Variants in LIPC observed in about 807,000 individuals in gnomAD.
LIPC encodes lipase C, hepatic type.
LIPC carries 44 observed loss-of-function variants against 50.7 expected under a neutral mutation model. That is an observed-to-expected ratio of 0.87 (90% confidence interval 0.68 to 1.11). The LOEUF is 1.11. Among genes scored for constraint, LIPC ranks in the 50% most tolerant of loss-of-function variants. LIPC has a pLI of 0.00. For synonymous variants in LIPC, 271 were observed against 256.4 expected (o/e 1.06, Z -0.54); for missense variants, 697 against 648.2 (o/e 1.08, Z -0.82).
chr15:58,460,344 G>A (rs1440018801), intron 1 of LIPC, among the ~76,000 whole-genome samples: 1 of 152,234 alleles, frequency 6.6e-6, no homozygotes, highest in Admixed American at 6.5e-5. Flanking sequence ...AGGAAAGGCT[G>A]GGGCCGACTT....
chr15:58,453,469 C>A (rs1893986443), intron 1 of LIPC, among the ~76,000 whole-genome samples: 1 of 152,182 alleles, frequency 6.6e-6, no homozygotes, highest in Non-Finnish European at 1.5e-5. Context: ...ATTCTCCCAG[C>A]AATTCCTACT....
At chr15:58,434,325 C>T (rs1328318107) in intron 1 of LIPC, among the ~76,000 whole-genome samples, 1 of 152,188 alleles carries the variant, frequency 6.6e-6, no homozygotes, top group Non-Finnish European at 1.5e-5. Context: ...CAGCCTACTT[C>T]TTTTGAGTAT....
chr15:58,516,754 T>A (rs144042312), intron 1 of LIPC, among the ~76,000 whole-genome samples: 1 of 152,248 alleles, frequency 6.6e-6, no homozygotes, highest in Non-Finnish European at 1.5e-5. Flanking sequence ...AATATAGTTA[T>A]AAGAACTGTT....
chr15:58,488,552 T>A (rs771550505), intron 1 of LIPC, among the ~76,000 whole-genome samples: 3 of 152,222 alleles, frequency 2.0e-5, no homozygotes, highest in Admixed American at 6.5e-5. Context: ...TAGTCCCACA[T>A]TCATTTCTTT....
At chr15:58,547,279 C>T (rs887339262) in intron 5 of LIPC, among the ~76,000 whole-genome samples, 1 of 152,208 alleles carries the variant, frequency 6.6e-6, no homozygotes, top group Admixed American at 6.5e-5. Context: ...GCAGATTCAC[C>T]TTCACTACCT....
At chr15:58,496,974 C>T (rs2004145) in intron 1 of LIPC, among the ~76,000 whole-genome samples, 59,193 of 151,892 alleles carry the variant, frequency 0.39, 11,636 homozygotes, top group East Asian at 0.52. Flanking sequence ...CATAAGCCAC[C>T]GCGCCCGGCC....
intron 1 of LIPC, chr15:58,436,593 A>G (rs1893305071): frequency 1.2e-5 from 4 of 340,472 alleles, no homozygotes; most frequent in East Asian, 1.6e-4. Context: ...CTTTTGTCTT[A>G]TAGAGCAGAG....
intron 1 of LIPC, among the ~76,000 whole-genome samples, chr15:58,469,411 G>A (rs1471880244): frequency 6.6e-6 from 1 of 152,128 alleles, no homozygotes; most frequent in Admixed American, 6.5e-5. Flanking sequence ...AGAGCACAAA[G>A]GAAGAAAATC....
At chr15:58,510,807 A>G (rs1292217798) in intron 1 of LIPC, among the ~76,000 whole-genome samples, 1 of 152,260 alleles carries the variant, frequency 6.6e-6, no homozygotes, top group East Asian at 1.9e-4. Flanking sequence ...ACTATAATAA[A>G]CAAGTAAGCA....
chr15:58,490,672 A>T (rs1323271743), intron 1 of LIPC, among the ~76,000 whole-genome samples: 1 of 152,182 alleles, frequency 6.6e-6, no homozygotes, highest in Admixed American at 6.5e-5. Flanking sequence ...CAACAATGAA[A>T]TATGGAGAAA....
At chr15:58,566,478 C>T in intron 8 of LIPC, 1 of 984,352 alleles carries the variant, frequency 1.0e-6, no homozygotes, top group Non-Finnish European at 1.2e-6. Flanking sequence ...CTAATAACAA[C>T]TACTAATTTT....
chr15:58,499,190 C>G (rs113745573), intron 1 of LIPC, among the ~76,000 whole-genome samples: 1 of 152,218 alleles, frequency 6.6e-6, no homozygotes, highest in Non-Finnish European at 1.5e-5. Flanking sequence ...TCAGAGGCAG[C>G]TCTATAAATT....
chr15:58,473,549 G>A (rs1426710556), intron 1 of LIPC: 2 of 152,250 alleles, frequency 1.3e-5, no homozygotes, highest in African/African-American at 4.8e-5. Context: ...AGACGCAGCA[G>A]GGAGGTAGGA....
At chr15:58,540,449 G>A (rs1893282157) in intron 2 of LIPC, among the ~76,000 whole-genome samples, 2 of 152,162 alleles carry the variant, frequency 1.3e-5, no homozygotes, top group African/African-American at 4.8e-5. Context: ...GAAAACTGAA[G>A]CACAGAGAAA....
intron 1 of LIPC, among the ~76,000 whole-genome samples, chr15:58,488,242 C>A (rs1360753032): frequency 7.9e-5 from 12 of 152,220 alleles, no homozygotes; most frequent in Admixed American, 7.2e-4. Flanking sequence ...TACTCCCAAG[C>A]CTGGGCAATG....
intron 1 of LIPC, among the ~76,000 whole-genome samples, chr15:58,482,204 A>G (rs1891211814): frequency 6.6e-6 from 1 of 152,216 alleles, no homozygotes; most frequent in Admixed American, 6.5e-5. Context: ...CCCTGTCCCC[A>G]GCCACCCAGT....
chr15:58,523,597 A>T (rs1478638657), intron 1 of LIPC, among the ~76,000 whole-genome samples: 4 of 115,246 alleles, frequency 3.5e-5, no homozygotes, highest in Non-Finnish European at 5.3e-5. Context: ...GCAAGCAGGA[A>T]ACAAGCTGGG....
chr15:58,548,153 T>C (rs1893602264), intron 5 of LIPC, among the ~76,000 whole-genome samples, 177 bp from the exon 6 acceptor site: 9 of 151,980 alleles, frequency 5.9e-5, no homozygotes, highest in Admixed American at 5.9e-4. Context: ...CTACTTCCCT[T>C]AGTTTCAGTC....
At chr15:58,479,116 G>A (rs1332318425) in intron 1 of LIPC, among the ~76,000 whole-genome samples, 2 of 152,168 alleles carry the variant, frequency 1.3e-5, no homozygotes, top group Non-Finnish European at 2.9e-5. Context: ...AGCAAACAGT[G>A]TGATTTATGC....
Sources: allele counts gnomAD v4.1 joint callset (sites outside exome capture counted in the v4.1 genomes callset), GRCh38; gene constraint gnomAD v4.1.1; transcripts MANE v1.5; gene names NCBI Gene and HGNC (gene_info 2026-07-23, HGNC 2026-07-21).